EYA1: variants seen among roughly 807,000 people sequenced by gnomAD.
The protein encoded by EYA1 is EYA transcriptional coactivator and phosphatase 1, also known as protein phosphatase EYA1.
EYA1 carries 16 observed loss-of-function variants against 82.0 expected under a neutral mutation model. That is an observed-to-expected ratio of 0.20 (90% CI 0.13 to 0.30). The LOEUF (loss-of-function observed/expected upper bound fraction) is 0.30. Ranked by LOEUF, EYA1 falls within the 10% of genes least tolerant of loss-of-function variation. The pLI is 1.00. For synonymous variants in EYA1, 261 were observed against 264.4 expected (o/e 0.99, Z 0.12); for missense variants, 633 against 730.7 (o/e 0.87, Z 1.54).
chr8:71,328,868 T>C (rs1823472492), intron 4 of EYA1, among the ~76,000 whole-genome samples: 1 of 152,140 alleles, frequency 6.6e-6, no homozygotes, highest in Non-Finnish European at 1.5e-5. Flanking sequence ...CAAGACCACA[T>C]CCTGGCCCCT....
intron 2 of EYA1, among the ~76,000 whole-genome samples, chr8:71,473,627 T>G (rs1809412027): frequency 6.6e-6 from 1 of 152,218 alleles, no homozygotes; most frequent in Non-Finnish European, 1.5e-5. Flanking sequence ...TCAACCATTG[T>G]GGAAGACAGT....
chr8:71,221,874 T>G (rs73684720), intron 12 of EYA1, among the ~76,000 whole-genome samples: 1 of 152,092 alleles, frequency 6.6e-6, no homozygotes, highest in Admixed American at 6.5e-5. Flanking sequence ...AAGCCTCAGA[T>G]AGACATGCGT....
chr8:71,455,615 A>G (rs542600927), intron 2 of EYA1, among the ~76,000 whole-genome samples: 2 of 152,360 alleles, frequency 1.3e-5, no homozygotes, highest in East Asian at 3.9e-4. Context: ...CACAGAAATC[A>G]ATAAATATAA....
Position 71,525,384 on chromosome 8 carries a change from A to C in EYA1, c.33+10360T>G, listed in dbSNP as rs578118509. Among the ~76,000 whole-genome samples, 3 of 152,340 alleles carry C rather than the reference A, an allele frequency of 2.0e-5. No homozygotes were observed. In the South Asian group the frequency reaches 6.2e-4, roughly 32 times the overall value. ...TTTGAATTTGGGAGACCACTTAAGG[A>C]AATTTCATGAATTCCTTTGAAATAT... On this transcript the variant is annotated intron_variant, in intron 2 of 18. Transcript: ENST00000643681.
rs1813496247 is a variant in EYA1, at chr8:71,522,730, C to T, written c.33+13014G>A. 2.0e-5 allele frequency among the ~76,000 whole-genome samples: 3 copies of T among 151,806 alleles called. No individual in the cohort carries two copies. In the South Asian group the frequency reaches 6.2e-4, roughly 32 times the overall value. On this transcript the variant is annotated intron_variant, in intron 2 of 18. Transcript: ENST00000643681. ...ACCTCCAGGGCTCAAGTGCTCCTGC[C>T]TCCCAACTAGTTGAGACCCCAGGCC... is the stretch of plus-strand genomic sequence containing the variant.
intron 2 of EYA1, among the ~76,000 whole-genome samples, chr8:71,497,214 T>TA (rs377490665): frequency 1.4e-4 from 22 of 152,274 alleles, no homozygotes; most frequent in African/African-American, 5.3e-4. Flanking sequence ...GCTGATGAGC[T>TA]AAAAAATAAT....
chr8:71,520,208 C>T (rs1440678008), intron 2 of EYA1, among the ~76,000 whole-genome samples: 1 of 151,712 alleles, frequency 6.6e-6, no homozygotes, highest in Non-Finnish European at 1.5e-5. Flanking sequence ...CAAACCCCCT[C>T]ATTGGCCCCC....
At chr8:71,299,842 G>T (rs963569775) in intron 7 of EYA1, 122 bp from the exon 8 acceptor site, 57 of 697,830 alleles carry the variant, frequency 8.2e-5, no homozygotes, top group Non-Finnish European at 1.2e-4. Flanking sequence ...AGAATCTGTT[G>T]TCATGTCTAA....
At chr8:71,539,895 A>G (rs535857027) in intron 1 of EYA1, among the ~76,000 whole-genome samples, 10 of 152,344 alleles carry the variant, frequency 6.6e-5, no homozygotes, top group African/African-American at 2.4e-4. Context: ...ACTCTGCAGA[A>G]AACATTAAAT....
intron 2 of EYA1, among the ~76,000 whole-genome samples, chr8:71,499,322 C>G (rs1238211716): frequency 6.6e-6 from 1 of 152,194 alleles, no homozygotes; most frequent in African/African-American, 2.4e-5. Flanking sequence ...TAATATATAA[C>G]AGTGGATTGC....
chr8:71,269,902 G>A, intron 10 of EYA1, 79 bp from the exon 11 acceptor site: 1 of 1,067,592 alleles, frequency 9.4e-7, no homozygotes, highest in Non-Finnish European at 1.5e-6. Flanking sequence ...ACACGAAAAA[G>A]TCATCTTGAA....
intron 2 of EYA1, among the ~76,000 whole-genome samples, chr8:71,421,430 C>T (rs1323241105): frequency 2.0e-5 from 3 of 152,138 alleles, no homozygotes; most frequent in Admixed American, 1.3e-4. Flanking sequence ...AATGAAAGAA[C>T]CAAACTGAAA....
intron 2 of EYA1, among the ~76,000 whole-genome samples, chr8:71,376,222 C>T (rs1395814709): frequency 1.3e-5 from 2 of 151,962 alleles, no homozygotes; most frequent in African/African-American, 4.8e-5. Context: ...GAGTGGTCTA[C>T]ACAAAAGGAA....
At position 71,317,596 on chromosome 8, in the gene EYA1, C is replaced by A; in HGVS notation, c.512G>T (p.Ser171Ile). 3 of 1,614,112 alleles carry A rather than the reference C, an allele frequency of 1.9e-6. No individual in the cohort carries two copies. Among genetic ancestry groups the A allele is most frequent in the Non-Finnish European group, 2.5e-6 (3 of 1,179,998 alleles). ...TGFLSYGTSFSTPQPGQAPYS... is the reference protein window; with the variant it reads ...TGFLSYGTSFITPQPGQAPYS... ...TGGTGCCTGTCCAGGTTGAGGGGTA[C>A]TGAAGCTTGTGCCATAGCTGAGAAA... Residue 171 changes from serine (S) to isoleucine (I), a missense_variant, in exon 7 of 18, where the codon AGT becomes ATT. Ser to Ile is a moderately radical substitution (Grantham distance 142). Transcript: ENST00000340726.
chr8:71,269,861 G>A, intron 10 of EYA1, 38 bp from the exon 11 acceptor site: 1 of 1,523,878 alleles, frequency 6.6e-7, no homozygotes, highest in Non-Finnish European at 9.1e-7. Context: ...TCTTTGCCTT[G>A]GCTGAGAAAG....
At chr8:71,416,021 TCTGC>T (rs890716712) in intron 2 of EYA1, among the ~76,000 whole-genome samples, 9 of 152,216 alleles carry the variant, frequency 5.9e-5, no homozygotes, top group African/African-American at 2.2e-4. Flanking sequence ...GGATCCATTC[TCTGC>T]TCTTCCCCTG....
chr8:71,338,212 A>G (rs1824722494), intron 3 of EYA1, among the ~76,000 whole-genome samples: 2 of 152,254 alleles, frequency 1.3e-5, no homozygotes, highest in African/African-American at 2.4e-5. Flanking sequence ...GCCACACTTC[A>G]AGAGAGCCAA....
chr8:71,313,451 T>G (rs1000113639), intron 7 of EYA1, among the ~76,000 whole-genome samples: 1 of 152,170 alleles, frequency 6.6e-6, no homozygotes, highest in African/African-American at 2.4e-5. Flanking sequence ...CTGGAACTAT[T>G]CCAGAAAGCT....
In EYA1 at chr8:71,215,995, G is replaced by A. The variant is rs75160077; in HGVS notation, c.1361-267C>T. ...CCACCTTCTGGCTCCCAGGGTAGGT[G>A]TGCAGCATTCACTTGGCCAGTGGAA... On this transcript the variant is annotated intron_variant, in intron 14 of 17. Transcript: ENST00000340726. Among the ~76,000 whole-genome samples the A allele has an allele frequency of 6.0e-3, 909 of 152,204 alleles. 8 individuals are homozygous for A. The highest frequency in any genetic ancestry group is 0.021 in the African/African-American group (857 of 41,538).
Sources: gnomAD v4.1 joint callset for allele counts (sites outside exome capture counted in the v4.1 genomes callset) on GRCh38, gnomAD v4.1.1 for gene constraint, MANE v1.5 for transcripts, NCBI Gene and HGNC (gene_info 2026-07-23, HGNC 2026-07-21) for gene names.